The following USP35 variants were observed in gnomAD, a reference collection of about 807,000 sequenced individuals.
The protein encoded by USP35 is ubiquitin specific peptidase 35.
In USP35, 69 loss-of-function variants were observed where a neutral mutation model predicts 83.8. The ratio of observed to expected loss-of-function variants is 0.82; its 90% CI spans 0.68 to 1.01. USP35 has a LOEUF of 1.01. Ranked by LOEUF, USP35 falls within the 50% of genes least tolerant of loss-of-function variation. The pLI is 0.00. For synonymous variants in USP35, 714 were observed against 589.5 expected (o/e 1.21, Z -3.06); for missense variants, 1,503 against 1,362.5 (o/e 1.10, Z -1.62).
chr11:78,233,897 C>T, the USP35 span, among the ~76,000 whole-genome samples: 5 of 152,178 alleles, frequency 3.3e-5, no homozygotes, highest in East Asian at 5.8e-4. Context: ...AGGCGTGGGC[C>T]ACCACGCCCA....
intron 10 of USP35, 135 bp from the exon 11 acceptor site, chr11:78,213,511 C>G (rs1165901723): frequency 9.6e-7 from 1 of 1,044,698 alleles, no homozygotes; most frequent in Non-Finnish European, 1.3e-6. Flanking sequence ...TATCCTGCCA[C>G]TGAGCTGCAA....
rs1359304389 is a variant in USP35, at chr11:78,214,542, CTTAGGAAG to C, written c.*730_*737del. The C allele has an allele frequency of 4.7e-5, 7 of 150,290 alleles. No homozygotes were observed. Among genetic ancestry groups the C allele is most frequent in the African/African-American group, 1.5e-4 (6 of 40,064 alleles). The allele number at this position is 150,290 out of a possible 1,614,324, so 9.3% of individuals were successfully genotyped here. On this transcript the variant is annotated 3_prime_UTR_variant, in exon 11 of 11. Transcript: ENST00000529308. ...TCATGTTCCTTGTGAAGTGTGGGCT[CTTAGGAAG>C]CCTGTGGGCTCCTCTGAGCAGTTGG...
chr11:78,206,514 A>T (rs1863534835), intron 7 of USP35, among the ~76,000 whole-genome samples: 1 of 152,204 alleles, frequency 6.6e-6, no homozygotes, highest in South Asian at 2.1e-4. Flanking sequence ...TATGTCCTCA[A>T]GTCAGTTTCT....
chr11:78,227,697 G>C, the USP35 span, among the ~76,000 whole-genome samples: 2 of 150,640 alleles, frequency 1.3e-5, no homozygotes, highest in African/African-American at 2.4e-5. Flanking sequence ...CTTCTGGTGA[G>C]GCTAAGGGAG....
At chr11:78,212,663 G>T (rs925754738) in intron 10 of USP35, among the ~76,000 whole-genome samples, 3 of 152,092 alleles carry the variant, frequency 2.0e-5, no homozygotes, top group African/African-American at 7.2e-5. Context: ...GTTGTGAATG[G>T]GAGTTTGTTC....
intron 1 of USP35, among the ~76,000 whole-genome samples, chr11:78,193,423 T>C (rs1418993632): frequency 6.6e-6 from 1 of 151,006 alleles, no homozygotes; most frequent in African/African-American, 2.4e-5. Context: ...CAGGCTGGTC[T>C]CAACCTCCTG....
Position 78,196,914 on chromosome 11 carries a change from C to A in USP35, c.669C>A (p.Cys223Ter). The A allele has an allele frequency of 1.4e-6, 2 of 1,452,840 alleles. No homozygotes were observed. The highest frequency in any genetic ancestry group is 1.8e-6 in the Non-Finnish European group (2 of 1,105,880). 90.0% of individuals were successfully genotyped at this position (1,452,840 alleles called of 1,614,324 possible). A position where few individuals can be genotyped will look rare whatever the true frequency, so the allele number is the denominator to read the frequency against. ...AAGAGCTGTTCGCAGTCATCTCCTGCGCAGGTGCGTGTGCGGCCGGGGCAG... is the reference window on the plus strand; with the variant it reads ...AAGAGCTGTTCGCAGTCATCTCCTGAGCAGGTGCGTGTGCGGCCGGGGCAG... ...CLKELFAVIS[C>*]AEEEPPSSAL... The change falls in exon 2 of 11, where the codon TGC becomes TGA. Residue 223 changes from cysteine (C) to a stop codon, truncating the protein, a stop_gained. Transcript: ENST00000529308. LOFTEE classifies it high-confidence loss of function. This position sits in a 1 kb window ranked among gnomAD's most constrained non-coding sequence, Gnocchi z 4.8.
At chr11:78,195,214 T>C (rs187874971) in intron 1 of USP35, among the ~76,000 whole-genome samples, 126 of 152,222 alleles carry the variant, frequency 8.3e-4, no homozygotes, top group Middle Eastern at 3.4e-3. Flanking sequence ...CCCCAGCGGA[T>C]TGTAGGAATT....
chr11:78,210,899 C>T (rs1287632804), intron 10 of USP35, among the ~76,000 whole-genome samples, 155 bp downstream of exon 10: 4 of 152,178 alleles, frequency 2.6e-5, no homozygotes, highest in Non-Finnish European at 5.9e-5. Flanking sequence ...CCCAGACAGA[C>T]CTAACCCCTT....
At chr11:78,237,148 A>G in the USP35 span, among the ~76,000 whole-genome samples, 1 of 152,216 alleles carries the variant, frequency 6.6e-6, no homozygotes, top group South Asian at 2.1e-4. Context: ...GGTAGAATTT[A>G]CCAGTAAAAC....
the USP35 span, among the ~76,000 whole-genome samples, chr11:78,233,659 T>C: frequency 1.4e-4 from 22 of 152,150 alleles, no homozygotes; most frequent in African/African-American, 5.1e-4. Flanking sequence ...CAAGCTAGAG[T>C]GCAGTGGTGC....
chr11:78,230,172 G>A, the USP35 span, among the ~76,000 whole-genome samples: 1 of 152,230 alleles, frequency 6.6e-6, no homozygotes, highest in African/African-American at 2.4e-5. Flanking sequence ...ACAAACGTAT[G>A]TTGCTGCTAT....
intron 8 of USP35, 42 bp from the exon 9 acceptor site, chr11:78,208,815 G>GCCTCCTGCTCCTGA: frequency 6.2e-7 from 1 of 1,607,786 alleles, no homozygotes; most frequent in Non-Finnish European, 8.5e-7. Flanking sequence ...CTGGTGAGTG[G>GCCTCCTGCTCCTGA]CCTCCTGCTC....
chr11:78,236,664 CTTT>C, the USP35 span, among the ~76,000 whole-genome samples: 1 of 152,016 alleles, frequency 6.6e-6, no homozygotes, highest in African/African-American at 2.4e-5. Context: ...CTAAGAAATA[CTTT>C]TTTTTCAATG....
intron 5 of USP35, 45 bp downstream of exon 5, chr11:78,200,279 G>T (rs763121499): frequency 6.3e-7 from 1 of 1,575,720 alleles, no homozygotes; most frequent in Non-Finnish European, 8.7e-7. Flanking sequence ...CCTGCCTGCT[G>T]CCCCTGGTAA....
chr11:78,213,687 TGCACTCCCCACATCTCC>T lies in USP35; in HGVS notation c.2937_2953del (p.Pro980GlyfsTer5), dbSNP rs762002250. Reference sequence around the variant, plus strand: ...CCCGGAGCAGGGCGGCCTACATCTCTGCACTCCCCACATCTCCGCACTGGGGGAGGGGCTTTGATGAA... The same window carrying T: ...CCCGGAGCAGGGCGGCCTACATCTCTGCACTGGGGGAGGGGCTTTGATGAA... On this transcript the variant is annotated frameshift_variant, in exon 11 of 11. Coordinates refer to ENST00000529308, the MANE Select transcript of USP35 (RefSeq NM_020798.4). LOFTEE classifies it high-confidence loss of function. 22 of 1,521,826 alleles carry T rather than the reference TGCACTCCCCACATCTCC, an allele frequency of 1.4e-5. No homozygotes were observed. The highest frequency in any genetic ancestry group is 2.5e-5 in the Admixed American group (1 of 39,466). The allele number at this position is 1,521,826 out of a possible 1,614,324, so 94.3% of individuals were successfully genotyped here. A position where few individuals can be genotyped will look rare whatever the true frequency, so the allele number is the denominator to read the frequency against.
chr11:78,223,932 A>G, the USP35 span, among the ~76,000 whole-genome samples: 1 of 152,128 alleles, frequency 6.6e-6, no homozygotes, highest in Non-Finnish European at 1.5e-5. Flanking sequence ...AATCCAAAGT[A>G]TTAGCTGGGC....
intron 1 of USP35, among the ~76,000 whole-genome samples, chr11:78,195,494 G>A (rs1209488324): frequency 6.6e-6 from 1 of 152,126 alleles, no homozygotes; most frequent in Non-Finnish European, 1.5e-5. Flanking sequence ...CTCCCTTGGG[G>A]CCTCTTGCCC....
At chr11:78,220,295 C>A in the USP35 span, 3 of 1,610,054 alleles carry the variant, frequency 1.9e-6, no homozygotes, top group East Asian at 4.5e-5. Context: ...GCTCTTACTG[C>A]CCCCCCAACT....
Sources: allele counts gnomAD v4.1 joint callset (sites outside exome capture counted in the v4.1 genomes callset), GRCh38; gene constraint gnomAD v4.1.1; non-coding constraint Gnocchi (gnomAD v3.1); transcripts MANE v1.5; gene names NCBI Gene and HGNC (gene_info 2026-07-23, HGNC 2026-07-21).